ANKAR: variants seen among roughly 807,000 people sequenced by gnomAD.
The protein encoded by ANKAR is ankyrin and armadillo repeat-containing protein.
ANKAR carries 136 observed loss-of-function variants against 146.2 expected under a neutral mutation model. That is an observed-to-expected ratio of 0.93 (90% CI 0.81 to 1.07). The LOEUF (loss-of-function observed/expected upper bound fraction) is 1.07. ANKAR is among the 50% of genes least tolerant of loss of function. The probability of loss-of-function intolerance (pLI) is 0.00; values close to 1 mark genes in which losing one functional copy is unlikely to be tolerated. For missense variants in ANKAR, 1,567 were observed against 1,679.9 expected (o/e 0.93, Z 1.18); for synonymous variants, 500 against 575.8 (o/e 0.87, Z 1.88).
At chr2:189,728,118 G>A (rs2042058940) in intron 13 of ANKAR, 21 bp downstream of exon 13, 1 of 1,573,782 alleles carries the variant, frequency 6.4e-7, no homozygotes, top group Non-Finnish European at 8.6e-7. Flanking sequence ...TATGATTACT[G>A]GTCATTTTTC....
At chr2:189,714,886 C>T (rs2040206628) in intron 10 of ANKAR, among the ~76,000 whole-genome samples, 1 of 140,742 alleles carries the variant, frequency 7.1e-6, no homozygotes, top group African/African-American at 2.7e-5. Context: ...GCGGAGCTTG[C>T]AGTGAGCCAA....
intron 4 of ANKAR, 81 bp from the exon 5 acceptor site, chr2:189,692,993 A>G: frequency 1.4e-6 from 1 of 725,814 alleles, no homozygotes; most frequent in Non-Finnish European, 2.2e-6. Flanking sequence ...ATTTACATGT[A>G]TACTCTTTCA....
chr2:189,726,913 A>C (rs183351956), intron 12 of ANKAR, among the ~76,000 whole-genome samples: 177 of 152,312 alleles, frequency 1.2e-3, no homozygotes, highest in Admixed American at 3.3e-3. Flanking sequence ...ATATATTAAA[A>C]ATTTATAAAT....
At chr2:189,746,789 G>A, downstream of ANKAR, 1 of 787,802 alleles carries the variant, frequency 1.3e-6, no homozygotes, top group South Asian at 2.5e-5. Flanking sequence ...CAGGAATTTA[G>A]TGTCAGGTCA....
chr2:189,749,563 A>C (rs2044775996), downstream of ANKAR, among the ~76,000 whole-genome samples: 2 of 152,190 alleles, frequency 1.3e-5, no homozygotes, highest in African/African-American at 2.4e-5. Context: ...AATCCAAAAA[A>C]ACTCCCTCAT....
chr2:189,702,359 T>C (rs1361245912), intron 7 of ANKAR, among the ~76,000 whole-genome samples: 1 of 152,200 alleles, frequency 6.6e-6, no homozygotes, highest in Non-Finnish European at 1.5e-5. Context: ...GGCCCCACTA[T>C]GATGGATCCT....
At position 189,746,589 on chromosome 2, in the gene ANKAR, CAT is replaced by C; in HGVS notation, c.4268_4269del (p.His1423ArgfsTer?). 6.2e-7 allele frequency: 1 copy of C among 1,612,192 alleles called. No homozygotes were observed. Among genetic ancestry groups the C allele is most frequent in the African/African-American group, 1.3e-5 (1 of 74,946 alleles). ...RIVCLNQLGKHVQKANPEPAE... is the reference protein window; with the variant it reads ...RIVCLNQLGKXVQKANPEPAE... Reference sequence around the variant, plus strand: ...AGTGTGTTTGAACCAACTTGGGAAACATGTCCAGAAAGCCAACCCAGAGCCTG... The same window carrying C: ...AGTGTGTTTGAACCAACTTGGGAAACGTCCAGAAAGCCAACCCAGAGCCTG... On this transcript the variant is annotated frameshift_variant, in exon 23 of 23. Coordinates refer to ENST00000684021, the MANE Select transcript of ANKAR (RefSeq NM_001378068.1). LOFTEE classifies it high-confidence loss of function.
In ANKAR at chr2:189,719,348, A is replaced by G. The variant is rs2040968648; in HGVS notation, c.2225-224A>G. ...ATAAAATGTTTGATCATGCTCTGTG[A>G]AAATCAAATGTATGAACAATGAGAG... On this transcript the variant is annotated intron_variant, in intron 10 of 22. Transcript: ENST00000684021. 2.6e-5 allele frequency among the ~76,000 whole-genome samples: 4 copies of G among 152,176 alleles called. No individual in the cohort carries two copies. The South Asian group carries it at 8.3e-4, about 31-fold the overall frequency.
intron 10 of ANKAR, among the ~76,000 whole-genome samples, chr2:189,713,624 G>A (rs193141342): frequency 1.6e-3 from 242 of 152,226 alleles, no homozygotes; most frequent in African/African-American, 5.7e-3. Context: ...CACTAAACAT[G>A]CAAAGGAACA....
rs751118547 is a variant in ANKAR at position 189,676,853 on chromosome 2, T to C, written c.363T>C (p.Ser121=). The stretch of plus-strand genomic sequence containing the variant: ...GCCTAAATCAAATCCCTTCCATCAG[T>C]TTAGAAGCTAATTATGATCAGAGTT... ...IYCLNQIPSI[S]LEANYDQSSS... Residue 121 remains serine, a synonymous_variant, in exon 2 of 23, where the codon AGT becomes AGC. Transcript: ENST00000684021. The C allele has an allele frequency of 5.6e-6, 9 of 1,614,158 alleles. 1 individual carries two copies. In the South Asian group the frequency reaches 9.9e-5, roughly 18 times the overall value.
chr2:189,741,034 A>T (rs2043287107), intron 19 of ANKAR, among the ~76,000 whole-genome samples: 1 of 152,206 alleles, frequency 6.6e-6, no homozygotes, highest in Non-Finnish European at 1.5e-5. Context: ...GTTCATAGTT[A>T]TTTTTAAAAC....
At chr2:189,712,180 CA>C (rs2039792152) in intron 10 of ANKAR, among the ~76,000 whole-genome samples, 1 of 152,160 alleles carries the variant, frequency 6.6e-6, no homozygotes, top group African/African-American at 2.4e-5. Flanking sequence ...CATAGCTGAA[CA>C]AAAGGCAGCA....
downstream of ANKAR, among the ~76,000 whole-genome samples, chr2:189,748,587 C>A (rs2044549389): frequency 6.6e-6 from 1 of 152,162 alleles, no homozygotes; most frequent in Non-Finnish European, 1.5e-5. Context: ...CTTAATGGTG[C>A]TGAGTCACAA....
chr2:189,754,970 C>G (rs1274940183), intron 18 of ANKAR: 2 of 615,108 alleles, frequency 3.3e-6, no homozygotes, highest in African/African-American at 3.8e-5. Context: ...AGATATGAAC[C>G]TCTTACCATT....
intron 18 of ANKAR, chr2:189,754,480 T>C: frequency 2.5e-6 from 2 of 786,024 alleles, no homozygotes; most frequent in Non-Finnish European, 3.9e-6. Flanking sequence ...CTTTGGCAAA[T>C]ATAGACTATA....
chr2:189,683,940 A>G (rs906646103), intron 2 of ANKAR, among the ~76,000 whole-genome samples: 1 of 152,220 alleles, frequency 6.6e-6, no homozygotes, highest in African/African-American at 2.4e-5. Context: ...CACCAGCAAC[A>G]TCATTCTTTA....
intron 12 of ANKAR, among the ~76,000 whole-genome samples, chr2:189,724,368 A>G (rs969515191): frequency 6.6e-6 from 1 of 152,184 alleles, no homozygotes; most frequent in African/African-American, 2.4e-5. Flanking sequence ...TGTTTCCAGC[A>G]TGGCCTATAG....
chr2:189,694,957 CT>C (rs758537604), intron 5 of ANKAR, 23 bp from the exon 6 acceptor site: 57 of 1,374,786 alleles, frequency 4.1e-5, no homozygotes, highest in South Asian at 1.7e-4. Flanking sequence ...AGAGAAACAT[CT>C]TTTTTTTCTT....
intron 12 of ANKAR, among the ~76,000 whole-genome samples, chr2:189,725,242 C>CAT (rs1158011883): frequency 6.6e-6 from 1 of 150,540 alleles, no homozygotes; most frequent in African/African-American, 2.5e-5. Context: ...TATACACATA[C>CAT]ATATATATGT....
Sources: gnomAD v4.1 joint callset for allele counts (sites outside exome capture counted in the v4.1 genomes callset) on GRCh38, gnomAD v4.1.1 for gene constraint, MANE v1.5 for transcripts, NCBI Gene and HGNC (gene_info 2026-07-23, HGNC 2026-07-21) for gene names.